CCSER1: variants seen among roughly 807,000 people sequenced by gnomAD.
CCSER1 encodes coiled-coil serine rich protein 1.
CCSER1 carries 41 observed loss-of-function variants against 82.0 expected under a neutral mutation model. That is an observed-to-expected ratio of 0.50 (90% CI 0.39 to 0.65). CCSER1 has a LOEUF of 0.65. Among genes scored for constraint, CCSER1 ranks in the 30% least tolerant of loss-of-function variants. The pLI is 0.00. For synonymous variants in CCSER1, 414 were observed against 383.9 expected (o/e 1.08, Z -0.92); for missense variants, 1,119 against 1,064.2 (o/e 1.05, Z -0.72).
At chr4:91,114,822 T>G (rs1300044799) in intron 10 of CCSER1, among the ~76,000 whole-genome samples, 1 of 152,212 alleles carries the variant, frequency 6.6e-6, no homozygotes, top group Non-Finnish European at 1.5e-5. Flanking sequence ...TTATTGTTAA[T>G]TATTAAAAGG....
At chr4:90,806,082 G>T (rs1399925115) in intron 7 of CCSER1, among the ~76,000 whole-genome samples, 1 of 152,072 alleles carries the variant, frequency 6.6e-6, no homozygotes, top group Admixed American at 6.6e-5. Context: ...ATATAGTAAT[G>T]GCAAAAGCCT....
chr4:90,943,830 T>C (rs968344471), intron 9 of CCSER1, among the ~76,000 whole-genome samples: 1 of 145,976 alleles, frequency 6.9e-6, no homozygotes, highest in Non-Finnish European at 1.5e-5. Flanking sequence ...CCTGCCTCAG[T>C]CTCCCAAAGT....
chr4:91,123,874 T>C (rs1047550580), intron 10 of CCSER1, among the ~76,000 whole-genome samples: 1 of 151,790 alleles, frequency 6.6e-6, no homozygotes, highest in African/African-American at 2.4e-5. Flanking sequence ...AACAATGATA[T>C]AGTGTCATCC....
In CCSER1 at chr4:91,407,004, GTAT is replaced by G. The variant is rs1474750502; in HGVS notation, c.2218-191563_2218-191561del. ...GCAAAGCAGACAATCCTCACTGTAA[GTAT>G]TATTTATTGATGCTTAAAACTTCAA... On this transcript the variant is annotated intron_variant, in intron 10 of 10. Coordinates refer to ENST00000509176, the MANE Select transcript of CCSER1 (RefSeq NM_001145065.2). 7.2e-5 allele frequency among the ~76,000 whole-genome samples: 11 copies of G among 152,236 alleles called. No individual in the cohort carries two copies. The East Asian group carries it at 1.7e-3, about 24-fold the overall frequency.
intron 1 of CCSER1, among the ~76,000 whole-genome samples, chr4:90,143,923 C>T (rs1725304840): frequency 6.6e-6 from 1 of 152,104 alleles, no homozygotes. Flanking sequence ...CTCCTGGGCT[C>T]AAGCAGTCCT....
intron 5 of CCSER1, among the ~76,000 whole-genome samples, chr4:90,607,459 A>G (rs769497828): frequency 6.6e-5 from 10 of 152,158 alleles, no homozygotes; most frequent in Admixed American, 1.3e-4. Flanking sequence ...CAAGATATTG[A>G]CAGAGCTGGT....
chr4:90,887,804 T>G (rs1158918558), intron 8 of CCSER1, among the ~76,000 whole-genome samples: 1 of 151,780 alleles, frequency 6.6e-6, no homozygotes, highest in Non-Finnish European at 1.5e-5. Flanking sequence ...ATTGCTTGAA[T>G]CCGGGAGGCA....
chr4:90,132,118 A>G (rs1722921486), intron 1 of CCSER1, among the ~76,000 whole-genome samples: 1 of 152,226 alleles, frequency 6.6e-6, no homozygotes, highest in Non-Finnish European at 1.5e-5. Context: ...AAGAGTTATT[A>G]CAAAAGTGAA....
chr4:90,641,986 A>T lies in CCSER1; in HGVS notation c.1932+13754A>T, dbSNP rs116113695. On this transcript the variant is annotated intron_variant, in intron 6 of 10. Transcript: ENST00000509176. The stretch of plus-strand genomic sequence containing the variant: ...TAATGTTTCACTTGTAAAACAACTC[A>T]CATACTTTTGTGTGATTCGATGGGC... 6.9e-4 allele frequency: 230 copies of T among 332,726 alleles called. 1 individual carries two copies. The highest frequency in any genetic ancestry group is 4.5e-3 in the African/African-American group (219 of 48,242). 20.6% of individuals were successfully genotyped at this position (332,726 alleles called of 1,614,324 possible). A position where few individuals can be genotyped will look rare whatever the true frequency, so the allele number is the denominator to read the frequency against.
chr4:90,247,519 C>A (rs1329391707), intron 1 of CCSER1, among the ~76,000 whole-genome samples: 4 of 151,996 alleles, frequency 2.6e-5, no homozygotes, highest in Admixed American at 1.3e-4. Flanking sequence ...GCATAATTTT[C>A]CATAGAATTA....
At chr4:91,231,671 AAGTTATATATGGAT>A (rs1203104499) in intron 10 of CCSER1, among the ~76,000 whole-genome samples, 1 of 151,836 alleles carries the variant, frequency 6.6e-6, no homozygotes, top group East Asian at 1.9e-4. Context: ...AATTCATGTA[AAGTTATATATGGAT>A]AGTTATATAT....
intron 5 of CCSER1, among the ~76,000 whole-genome samples, chr4:90,484,878 G>A (rs192608665): frequency 8.5e-5 from 13 of 152,288 alleles, no homozygotes; most frequent in South Asian, 2.1e-4. Context: ...CTGTGTGCTG[G>A]GAGAACCACT....
chr4:91,172,951 C>A (rs1206173693), intron 10 of CCSER1, among the ~76,000 whole-genome samples: 2 of 152,056 alleles, frequency 1.3e-5, no homozygotes, highest in African/African-American at 4.8e-5. Flanking sequence ...CTTTAAATCT[C>A]CAGAATGCAC....
At chr4:91,358,856 G>GT in intron 10 of CCSER1, among the ~76,000 whole-genome samples, 1 of 152,206 alleles carries the variant, frequency 6.6e-6, no homozygotes, top group East Asian at 1.9e-4. Context: ...GCTGGCTGGA[G>GT]TCCCCCTCAG....
At chr4:90,525,860 G>A (rs915437012) in intron 5 of CCSER1, among the ~76,000 whole-genome samples, 17 of 151,908 alleles carry the variant, frequency 1.1e-4, no homozygotes, top group African/African-American at 3.1e-4. Context: ...GGCTGGTCTC[G>A]AACTACAAGG....
intron 4 of CCSER1, among the ~76,000 whole-genome samples, chr4:90,408,916 A>G (rs1754199058): frequency 6.6e-6 from 1 of 152,214 alleles, no homozygotes; most frequent in Non-Finnish European, 1.5e-5. Context: ...TGGAATAACC[A>G]ATGCAGAGAA....
At chr4:91,199,885 C>T (rs1735765650) in intron 10 of CCSER1, among the ~76,000 whole-genome samples, 1 of 151,566 alleles carries the variant, frequency 6.6e-6, no homozygotes, top group South Asian at 2.1e-4. Flanking sequence ...GATAATTTAC[C>T]ATGCTATTCA....
intron 1 of CCSER1, 88 bp from the exon 2 acceptor site, chr4:90,308,156 G>A (rs1049810659): frequency 5.1e-6 from 5 of 976,440 alleles, no homozygotes; most frequent in African/African-American, 3.3e-5. Context: ...ATTCTATTTT[G>A]TGTCTCGAAA....
At chr4:90,936,474 GT>G (rs1183712324) in intron 9 of CCSER1, among the ~76,000 whole-genome samples, 2 of 151,850 alleles carry the variant, frequency 1.3e-5, no homozygotes, top group African/African-American at 4.8e-5. Context: ...GATGGATTAA[GT>G]TTTTTTTGTC....
Sources: gnomAD v4.1 joint callset for allele counts (sites outside exome capture counted in the v4.1 genomes callset) on GRCh38, gnomAD v4.1.1 for gene constraint, MANE v1.5 for transcripts, NCBI Gene and HGNC (gene_info 2026-07-23, HGNC 2026-07-21) for gene names.